ABCA8: variants seen among roughly 807,000 people sequenced by gnomAD.
ABCA8 encodes ABC-type organic anion transporter ABCA8.
Under a neutral mutation model 192.3 loss-of-function variants are expected in ABCA8, and 177 were observed. The ratio of observed to expected loss-of-function variants is 0.92; its 90% confidence interval spans 0.81 to 1.04. The LOEUF (loss-of-function observed/expected upper bound fraction) is 1.04, where lower values mean the gene tolerates loss of function less well. Ranked by LOEUF, ABCA8 falls within the 50% of genes least tolerant of loss-of-function variation. ABCA8 has a pLI of 0.00. For synonymous variants in ABCA8, 642 were observed against 690.2 expected (o/e 0.93, Z 1.09); for missense variants, 1,915 against 1,904.8 (o/e 1.01, Z -0.10).
intron 4 of ABCA8, among the ~76,000 whole-genome samples, chr17:68,939,116 C>A (rs2068154992): frequency 6.6e-6 from 1 of 152,068 alleles, no homozygotes; most frequent in Non-Finnish European, 1.5e-5. Flanking sequence ...GTTACCATTA[C>A]CATGAGCATC....
At chr17:68,874,436 G>T (rs560940379) in intron 37 of ABCA8, among the ~76,000 whole-genome samples, 2 of 152,122 alleles carry the variant, frequency 1.3e-5, no homozygotes, top group African/African-American at 4.8e-5. Flanking sequence ...ATAAATGTTT[G>T]TCTTTTCATC....
At position 68,881,843 on chromosome 17, in the gene ABCA8, G is replaced by A. The variant is rs1487677978; in HGVS notation, c.3946+20C>T. 6.3e-7 allele frequency: 1 copy of A among 1,579,496 alleles called. No homozygotes were observed. Among genetic ancestry groups the A allele is most frequent in the South Asian group, 1.1e-5 (1 of 90,090 alleles). On this transcript the variant is annotated intron_variant, in intron 31 of 39. Transcript: ENST00000586539. Reference sequence around the variant, plus strand: ...CTGAGGAGGGCTCTGAGCCAGAAGTGGAAGATCCCTATGGCCAACCTTTTC... The same window carrying A: ...CTGAGGAGGGCTCTGAGCCAGAAGTAGAAGATCCCTATGGCCAACCTTTTC...
intron 38 of ABCA8, 115 bp from the exon 39 acceptor site, chr17:68,868,471 T>C (rs2065970593): frequency 1.2e-6 from 1 of 843,196 alleles, no homozygotes; most frequent in Non-Finnish European, 1.9e-6. Context: ...TAAGGTAATA[T>C]TCATTCATGT....
At position 68,940,973 on chromosome 17, in the gene ABCA8, C is replaced by T. The variant is rs376213346; in HGVS notation, c.97-11G>A. On this transcript the variant is annotated splice_polypyrimidine_tract_variant and intron_variant, in intron 3 of 39. Coordinates refer to ENST00000586539, the MANE Select transcript of ABCA8 (RefSeq NM_001288985.2). ...TGAATTCAGCCATTCCTATATAATACAGGAAAAAAGATAAAGAAAAGTCTT... is the reference window on the plus strand; with the variant it reads ...TGAATTCAGCCATTCCTATATAATATAGGAAAAAAGATAAAGAAAAGTCTT... 9.0e-6 allele frequency: 14 copies of T among 1,562,996 alleles called. No individual in the cohort carries two copies. Among genetic ancestry groups the T allele is most frequent in the Non-Finnish European group, 1.2e-5 (14 of 1,140,112 alleles).
intron 17 of ABCA8, among the ~76,000 whole-genome samples, chr17:68,908,350 T>C (rs1364049592): frequency 3.3e-5 from 5 of 152,220 alleles, no homozygotes; most frequent in Admixed American, 2.6e-4. Flanking sequence ...CAGTTTCAGT[T>C]ACTCAATGTA....
chr17:68,869,664 C>A (rs1480688416), intron 38 of ABCA8, 36 bp downstream of exon 38: 1 of 1,342,544 alleles, frequency 7.4e-7, no homozygotes, highest in African/African-American at 1.5e-5. Flanking sequence ...AAATTATCTT[C>A]TTTCCAGGGT....
Position 68,884,340 on chromosome 17 carries a change from T to C in ABCA8, c.3606A>G (p.Val1202=), listed in dbSNP as rs1464415465. The C allele has an allele frequency of 6.3e-6, 10 of 1,583,692 alleles. No individual in the cohort carries two copies. Among genetic ancestry groups the C allele is most frequent in the East Asian group, 2.3e-5 (1 of 44,132 alleles). The part of the protein sequence containing the change: ...EERMDVQPFL[V]FLIPFLHFII... ...AACAGTGTGTTCTTACAATTAGGAA[T>C]ACCAGAAATGGCTGTACATCCATTC... Residue 1202 remains valine (V), a synonymous_variant, in exon 28 of 40, where the codon GTA becomes GTG. Coordinates refer to ENST00000586539, the MANE Select transcript of ABCA8 (RefSeq NM_001288985.2).
Position 68,884,798 on chromosome 17 carries a change from A to G in ABCA8, c.3549+398T>C, listed in dbSNP as rs1021964404. ...TGTACAGTAACTTCCTTCCTTTTGC[A>G]TAGGTATAGGTATCAGTCAGCCAGA... On this transcript the variant is annotated intron_variant, in intron 27 of 39. Coordinates refer to ENST00000586539, the MANE Select transcript of ABCA8 (RefSeq NM_001288985.2). 6.1e-6 allele frequency: 6 copies of G among 985,110 alleles called. No homozygotes were observed. In the South Asian group the frequency reaches 2.8e-4, roughly 46 times the overall value. The allele number at this position is 985,110 out of a possible 1,614,324, so 61.0% of individuals were successfully genotyped here.
chr17:68,870,547 T>C (rs1477528801), intron 37 of ABCA8, among the ~76,000 whole-genome samples: 1 of 152,242 alleles, frequency 6.6e-6, no homozygotes, highest in African/African-American at 2.4e-5. Context: ...TAGTACTATT[T>C]GATTCTATGA....
At chr17:68,928,087 T>G (rs749903186) in intron 9 of ABCA8, 24 bp from the exon 10 acceptor site, 1 of 1,536,878 alleles carries the variant, frequency 6.5e-7, no homozygotes, top group Admixed American at 2.0e-5. Context: ...AGTAATTAAT[T>G]AAGGGAAATT....
chr17:68,917,768 A>G, intron 16 of ABCA8, among the ~76,000 whole-genome samples: 1 of 152,216 alleles, frequency 6.6e-6, no homozygotes, highest in Non-Finnish European at 1.5e-5. Context: ...AATTCTGAGT[A>G]AAAGGATTGA....
At chr17:68,938,597 A>T (rs969091370) in intron 4 of ABCA8, among the ~76,000 whole-genome samples, 4 of 152,196 alleles carry the variant, frequency 2.6e-5, no homozygotes, top group African/African-American at 9.6e-5. Flanking sequence ...TGTAATTCAC[A>T]TACCATAATA....
chr17:68,868,494 G>A (rs891946723), intron 38 of ABCA8, 138 bp from the exon 39 acceptor site: 7 of 728,892 alleles, frequency 9.6e-6, no homozygotes, highest in East Asian at 2.7e-5. Context: ...TAAGTACATC[G>A]TTCAGTTAAG....
At chr17:68,922,182 C>G in intron 12 of ABCA8, 60 bp downstream of exon 12, 4 of 794,414 alleles carry the variant, frequency 5.0e-6, no homozygotes, top group Non-Finnish European at 6.4e-6. Context: ...CAAATATTTT[C>G]TTTCTCTCTC....
intron 17 of ABCA8, among the ~76,000 whole-genome samples, chr17:68,915,253 G>T (rs1413511156): frequency 6.6e-6 from 1 of 151,962 alleles, no homozygotes; most frequent in African/African-American, 2.4e-5. Context: ...CACAAGCAGA[G>T]GTGACTAAAG....
intron 7 of ABCA8, among the ~76,000 whole-genome samples, chr17:68,931,166 G>GTC (rs1251235066): frequency 1.3e-5 from 2 of 152,034 alleles, no homozygotes; most frequent in Admixed American, 6.6e-5. Context: ...AGACACCATT[G>GTC]TCTATCTTGT....
intron 24 of ABCA8, among the ~76,000 whole-genome samples, chr17:68,888,033 ATG>A (rs1243759274): frequency 6.9e-6 from 1 of 144,156 alleles, no homozygotes; most frequent in Non-Finnish European, 1.5e-5. Flanking sequence ...GTGTGTATAT[ATG>A]TGTGTTTATT....
At chr17:68,942,971 A>C (rs965642204) in intron 2 of ABCA8, among the ~76,000 whole-genome samples, 13 of 152,180 alleles carry the variant, frequency 8.5e-5, no homozygotes, top group Non-Finnish European at 1.9e-4. Flanking sequence ...ATGACTCTAT[A>C]ATATTTAGCT....
At chr17:68,889,085 C>T (rs2066563472) in intron 24 of ABCA8, among the ~76,000 whole-genome samples, 1 of 152,166 alleles carries the variant, frequency 6.6e-6, no homozygotes, top group African/African-American at 2.4e-5. Context: ...CTTATAGTTA[C>T]ATCAAACTAG....
Sources: allele counts gnomAD v4.1 joint callset (sites outside exome capture counted in the v4.1 genomes callset), GRCh38; gene constraint gnomAD v4.1.1; transcripts MANE v1.5; gene names NCBI Gene and HGNC (gene_info 2026-07-23, HGNC 2026-07-21).